The following NRCAM variants were observed in gnomAD, a reference collection of about 807,000 sequenced individuals.
The protein encoded by NRCAM is neuronal cell adhesion molecule.
In NRCAM, 83 loss-of-function variants were observed where a neutral mutation model predicts 156.5. The ratio of observed to expected loss-of-function variants is 0.53; its 90% CI spans 0.44 to 0.64. The LOEUF (loss-of-function observed/expected upper bound fraction) is 0.64, where lower values mean the gene tolerates loss of function less well. NRCAM is among the 30% of genes least tolerant of loss of function. The pLI is 0.00. For synonymous variants in NRCAM, 538 were observed against 563.9 expected, an observed-to-expected ratio of 0.95 and a Z score of 0.65; for missense variants, 1,417 against 1,597.3, an observed-to-expected ratio of 0.89 and a Z score of 1.92.
intron 2 of NRCAM, among the ~76,000 whole-genome samples, chr7:108,347,168 GC>G (rs1273745534): frequency 1.3e-5 from 2 of 149,852 alleles, no homozygotes; most frequent in Non-Finnish European, 3.0e-5. Flanking sequence ...CTCCCAAGTA[GC>G]TGGGACTACA....
intron 2 of NRCAM, among the ~76,000 whole-genome samples, chr7:108,387,830 T>C (rs1379833841): frequency 3.9e-5 from 6 of 152,110 alleles, no homozygotes; most frequent in East Asian, 3.9e-4. Flanking sequence ...GTCCTTGTGA[T>C]AGTTTGCTGA....
chr7:108,151,858 G>A (rs1441711131), intron 32 of NRCAM, among the ~76,000 whole-genome samples: 1 of 152,108 alleles, frequency 6.6e-6, no homozygotes, highest in Non-Finnish European at 1.5e-5. Context: ...TTTGTCACCT[G>A]GATTCCAATG....
intron 1 of NRCAM, among the ~76,000 whole-genome samples, chr7:108,422,027 T>C (rs1320737760): frequency 6.6e-6 from 1 of 152,202 alleles, no homozygotes; most frequent in Non-Finnish European, 1.5e-5. Flanking sequence ...ACAGGTCTAT[T>C]GGAAGTGGGG....
In NRCAM at chr7:108,147,784, A is replaced by C. The variant is rs2039577943; in HGVS notation, c.*2126T>G. On this transcript the variant is annotated 3_prime_UTR_variant, in exon 33 of 33. Coordinates refer to ENST00000379028, the MANE Select transcript of NRCAM (RefSeq NM_001037132.4). ...ATTACAAAAGAGAGAGGAACTTTTAAAACCACATTTAATTTTTAATACCAA... is the reference window on the plus strand; with the variant it reads ...ATTACAAAAGAGAGAGGAACTTTTACAACCACATTTAATTTTTAATACCAA... 1 of 152,666 alleles carries C rather than the reference A, an allele frequency of 6.6e-6. No homozygotes were observed. Among genetic ancestry groups the C allele is most frequent in the Non-Finnish European group, 1.5e-5 (1 of 68,048 alleles). The allele number at this position is 152,666 out of a possible 1,614,324, so 9.5% of individuals were successfully genotyped here.
intron 12 of NRCAM, among the ~76,000 whole-genome samples, chr7:108,208,891 A>G (rs1161124279): frequency 2.0e-5 from 3 of 152,184 alleles, no homozygotes; most frequent in Non-Finnish European, 4.4e-5. Flanking sequence ...AGTGTCTGCC[A>G]GGTTTCTCCA....
chr7:108,299,144 A>AAAGGAAAG (rs1365333453), intron 3 of NRCAM, among the ~76,000 whole-genome samples: 1 of 112,374 alleles, frequency 8.9e-6, no homozygotes, highest in African/African-American at 3.5e-5. Context: ...GAAAGAAAAG[A>AAAGGAAAG]AAAGTAAAAA....
At chr7:108,303,895 G>A (rs572235907) in intron 3 of NRCAM, among the ~76,000 whole-genome samples, 23 of 151,910 alleles carry the variant, frequency 1.5e-4, no homozygotes, top group Admixed American at 2.6e-4. Flanking sequence ...TAATATATAT[G>A]TATATTTTCA....
Position 108,198,139 on chromosome 7 carries a change from GC to G in NRCAM, c.1208-41del, listed in dbSNP as rs1355971465. Reference sequence around the variant, plus strand: ...AAATAGAAAGTATTTATTCCTATTTGCTTAAAAGATGTATATTAAGCTTGTA... The same window carrying G: ...AAATAGAAAGTATTTATTCCTATTTGTTAAAAGATGTATATTAAGCTTGTA... On this transcript the variant is annotated intron_variant, in intron 13 of 32. Coordinates refer to ENST00000379028, the MANE Select transcript of NRCAM (RefSeq NM_001037132.4). 2.0e-6 allele frequency: 3 copies of G among 1,531,840 alleles called. No individual in the cohort carries two copies. In the Admixed American group the frequency reaches 5.7e-5, roughly 29 times the overall value. The allele number at this position is 1,531,840 out of a possible 1,614,324, so 94.9% of individuals were successfully genotyped here.
intron 20 of NRCAM, among the ~76,000 whole-genome samples, chr7:108,187,912 G>A (rs1042014207): frequency 1.2e-4 from 18 of 151,804 alleles, no homozygotes; most frequent in South Asian, 2.1e-4. Flanking sequence ...CCGAGATCGC[G>A]CCACTGCACT....
chr7:108,237,004 C>T (rs539454283), intron 5 of NRCAM, among the ~76,000 whole-genome samples: 29 of 152,158 alleles, frequency 1.9e-4, no homozygotes, highest in Non-Finnish European at 3.5e-4. Context: ...GATATACCTC[C>T]TTAAACAGTG....
chr7:108,341,263 C>T (rs1281022780), intron 2 of NRCAM, among the ~76,000 whole-genome samples: 2 of 152,306 alleles, frequency 1.3e-5, no homozygotes, highest in East Asian at 3.9e-4. Context: ...CCAGCCCAAC[C>T]CATCACCCTC....
intron 3 of NRCAM, among the ~76,000 whole-genome samples, chr7:108,244,117 ATT>A (rs2095733436): frequency 6.6e-6 from 1 of 152,106 alleles, no homozygotes; most frequent in Non-Finnish European, 1.5e-5. Flanking sequence ...GAAGGAGGAA[ATT>A]ATTTTAATGA....
intron 3 of NRCAM, among the ~76,000 whole-genome samples, chr7:108,254,127 ATAAACT>A (rs1191893365): frequency 3.3e-5 from 5 of 152,278 alleles, no homozygotes; most frequent in African/African-American, 1.2e-4. Flanking sequence ...AAAAAAACTG[ATAAACT>A]TAACATAATC....
chr7:108,360,764 T>C (rs888221402), intron 2 of NRCAM, among the ~76,000 whole-genome samples: 15 of 152,156 alleles, frequency 9.9e-5, no homozygotes, highest in Admixed American at 5.9e-4. Flanking sequence ...TTTCAACAAA[T>C]GGTGTTGGGA....
At position 108,198,920 on chromosome 7, in the gene NRCAM, A is replaced by C. The variant is rs541728469; in HGVS notation, c.1208-821T>G. Among the ~76,000 whole-genome samples the C allele has an allele frequency of 1.2e-4, 18 of 152,296 alleles. No individual in the cohort carries two copies. In the South Asian group the frequency reaches 3.7e-3, roughly 32 times the overall value. On this transcript the variant is annotated intron_variant, in intron 13 of 32. Transcript: ENST00000379028. ...TGGCTGGGTAACACAGTATGTGAGGATTTAGTCCCGGGCATGCCCAGCAAT... is the reference window on the plus strand; with the variant it reads ...TGGCTGGGTAACACAGTATGTGAGGCTTTAGTCCCGGGCATGCCCAGCAAT...
chr7:108,332,984 T>C (rs945309895), intron 2 of NRCAM, among the ~76,000 whole-genome samples: 3 of 152,186 alleles, frequency 2.0e-5, no homozygotes, highest in Non-Finnish European at 4.4e-5. Context: ...AATTGCTGTT[T>C]TGTAGATCAA....
intron 2 of NRCAM, among the ~76,000 whole-genome samples, chr7:108,387,067 C>CA (rs2099742999): frequency 6.6e-6 from 1 of 152,054 alleles, no homozygotes; most frequent in East Asian, 1.9e-4. Context: ...TGAACATGGG[C>CA]AAAAAATTTC....
chr7:108,395,167 T>G (rs2154382927), intron 2 of NRCAM, among the ~76,000 whole-genome samples: 1 of 152,334 alleles, frequency 6.6e-6, no homozygotes, highest in East Asian at 1.9e-4. Context: ...TGCCTTGCTA[T>G]TCTATTAACT....
At chr7:108,208,586 G>A (rs1042363788) in intron 12 of NRCAM, among the ~76,000 whole-genome samples, 2 of 152,158 alleles carry the variant, frequency 1.3e-5, no homozygotes, top group African/African-American at 2.4e-5. Context: ...CCTAGACACC[G>A]TATTTACTTG....
Sources: allele counts gnomAD v4.1 joint callset (sites outside exome capture counted in the v4.1 genomes callset), GRCh38; gene constraint gnomAD v4.1.1; transcripts MANE v1.5; gene names NCBI Gene and HGNC (gene_info 2026-07-23, HGNC 2026-07-21).